Variants in PPP1R1C observed in about 807,000 individuals in gnomAD.
PPP1R1C encodes protein phosphatase 1 regulatory inhibitor subunit 1C, also known as protein phosphatase 1 regulatory subunit 1C.
Under a neutral mutation model 17.4 loss-of-function variants are expected in PPP1R1C, and 15 were observed. The observed-to-expected ratio is 0.86, with a 90% CI of 0.58 to 1.33. The LOEUF (loss-of-function observed/expected upper bound fraction) is 1.33. PPP1R1C is among the 40% of genes most tolerant of loss of function. The pLI is 0.00. For missense variants in PPP1R1C, 143 were observed against 130.0 expected (o/e 1.10, Z -0.48); for synonymous variants, 35 against 43.1 (o/e 0.81, Z 0.73).
intron 4 of PPP1R1C, among the ~76,000 whole-genome samples, chr2:182,065,558 A>C (rs1437664454): frequency 6.6e-6 from 1 of 152,096 alleles, no homozygotes; most frequent in Non-Finnish European, 1.5e-5. Context: ...GCAGTTATTG[A>C]GTGTAAAAAC....
At chr2:182,057,787 TTACA>T (rs1687730700) in intron 2 of PPP1R1C, among the ~76,000 whole-genome samples, 1 of 152,162 alleles carries the variant, frequency 6.6e-6, no homozygotes, top group South Asian at 2.1e-4. Context: ...TTGTTTTTAG[TTACA>T]TTGTCTACTT....
chr2:182,026,013 A>C (rs1260663121), intron 2 of PPP1R1C, among the ~76,000 whole-genome samples: 1 of 133,268 alleles, frequency 7.5e-6, no homozygotes, highest in Non-Finnish European at 1.6e-5. Context: ...TCTTCTTTTG[A>C]GAAGTGTCTG....
chr2:181,979,534 A>T (rs1381518680), intron 2 of PPP1R1C, among the ~76,000 whole-genome samples: 2 of 152,198 alleles, frequency 1.3e-5, no homozygotes, highest in Non-Finnish European at 2.9e-5. Flanking sequence ...TCTTATGTGA[A>T]TCTCTTTAGT....
chr2:182,067,012 T>A (rs1489607460), intron 4 of PPP1R1C, among the ~76,000 whole-genome samples: 1 of 151,536 alleles, frequency 6.6e-6, no homozygotes, highest in Non-Finnish European at 1.5e-5. Flanking sequence ...GGAATGCAAA[T>A]GCCTTCTACT....
intron 4 of PPP1R1C, among the ~76,000 whole-genome samples, chr2:182,076,005 T>C (rs1688286569): frequency 6.6e-6 from 1 of 151,922 alleles, no homozygotes; most frequent in Non-Finnish European, 1.5e-5. Flanking sequence ...TAAATGCTTT[T>C]TTTAGTATAT....
Position 181,961,827 on chromosome 2 carries a change from T to A in PPP1R1C, n.111+7193T>A. On this transcript the variant is annotated intron_variant and non_coding_transcript_variant, in intron 1 of 5. Transcript: ENST00000464264. The surrounding 1 kb of genome is among the most constrained non-coding windows in gnomAD (Gnocchi z 5.8). The stretch of plus-strand genomic sequence containing the variant: ...GGGCTTGTAGGCCTTTTACTTCCTC[T>A]TCGTGGTTCTTCTTCATGAAGAGCA... 3.8e-6 allele frequency: 4 copies of A among 1,042,952 alleles called. No individual in the cohort carries two copies. The highest frequency in any genetic ancestry group is 6.0e-6 in the Non-Finnish European group (4 of 670,776). The allele number at this position is 1,042,952 out of a possible 1,614,324, so 64.6% of individuals were successfully genotyped here.
intron 4 of PPP1R1C, among the ~76,000 whole-genome samples, chr2:182,068,712 C>A (rs947747680): frequency 6.6e-5 from 10 of 152,104 alleles, no homozygotes; most frequent in African/African-American, 2.4e-4. Flanking sequence ...AATTAATAAG[C>A]CTTGCAGTTC....
rs1684828063 is a variant in PPP1R1C at position 181,962,844 on chromosome 2, CAG to C, written n.111+8211_111+8212del. Among the ~76,000 whole-genome samples, 1 of 152,078 alleles carries C rather than the reference CAG, an allele frequency of 6.6e-6. No individual in the cohort carries two copies. Among genetic ancestry groups the C allele is most frequent in the African/African-American group, 2.4e-5 (1 of 41,386 alleles). On this transcript the variant is annotated intron_variant and non_coding_transcript_variant, in intron 1 of 5. Transcript: ENST00000464264. This position sits in a 1 kb window ranked among gnomAD's most constrained non-coding sequence, Gnocchi z 6.0. ...AGGGACCTTCACATCCACATGAAGA[CAG>C]GGGAAGGAAGGAGAATCACTGATTC...
chr2:182,054,111 G>A (rs1054702660), intron 2 of PPP1R1C, among the ~76,000 whole-genome samples: 6 of 151,942 alleles, frequency 3.9e-5, no homozygotes, highest in Non-Finnish European at 5.9e-5. Context: ...TAACATTTTT[G>A]ATGTATTAAT....
At chr2:182,013,305 G>A (rs1686147633) in intron 2 of PPP1R1C, among the ~76,000 whole-genome samples, 1 of 151,930 alleles carries the variant, frequency 6.6e-6, no homozygotes, top group South Asian at 2.1e-4. Flanking sequence ...TACTATTCTA[G>A]GGTAAAAGTT....
chr2:182,127,169 A>G (rs187900574), intron 5 of PPP1R1C, among the ~76,000 whole-genome samples: 4 of 152,146 alleles, frequency 2.6e-5, no homozygotes, highest in Non-Finnish European at 4.4e-5. Context: ...GTCCAGCTGA[A>G]CTTTGGTGAC....
chr2:182,018,627 CA>C (rs1686327844), intron 2 of PPP1R1C, among the ~76,000 whole-genome samples: 1 of 152,060 alleles, frequency 6.6e-6, no homozygotes, highest in Non-Finnish European at 1.5e-5. Flanking sequence ...ATTTCTCTTG[CA>C]AAATAAAAAT....
intron 2 of PPP1R1C, among the ~76,000 whole-genome samples, chr2:182,003,687 A>ATGTGTG (rs113337793): frequency 0.057 from 8,567 of 149,542 alleles, 454 homozygotes; most frequent in Admixed American, 0.19. Flanking sequence ...TTTTTGCTGG[A>ATGTGTG]TGTGTGTGTG....
At chr2:182,063,522 T>C (rs1454496629) in intron 3 of PPP1R1C, among the ~76,000 whole-genome samples, 2 of 152,058 alleles carry the variant, frequency 1.3e-5, no homozygotes, top group African/African-American at 2.4e-5. Flanking sequence ...ATTTTATGAT[T>C]AAGTAGACCC....
chr2:182,046,091 CATTT>C (rs1687335444), intron 2 of PPP1R1C, among the ~76,000 whole-genome samples: 1 of 120,268 alleles, frequency 8.3e-6, no homozygotes, highest in Admixed American at 8.4e-5. Context: ...TCCCCTCCTA[CATTT>C]CCTTCCTTCC....
intron 2 of PPP1R1C, among the ~76,000 whole-genome samples, chr2:182,017,978 A>G (rs1042954153): frequency 1.3e-5 from 2 of 152,164 alleles, no homozygotes; most frequent in Admixed American, 1.3e-4. Flanking sequence ...ATAAAAGAAC[A>G]TGGTTATAAT....
intron 1 of PPP1R1C, among the ~76,000 whole-genome samples, chr2:181,974,202 A>G (rs1371954187): frequency 6.6e-6 from 1 of 152,124 alleles, no homozygotes; most frequent in East Asian, 1.9e-4. Flanking sequence ...TAAATCATGT[A>G]TTTGCTGTTT....
chr2:181,986,921 C>G (rs984271432), intron 1 of PPP1R1C, among the ~76,000 whole-genome samples: 10 of 152,288 alleles, frequency 6.6e-5, no homozygotes, highest in South Asian at 2.1e-4. Context: ...CTAATCCATT[C>G]ATTTCTTAAA....
intron 4 of PPP1R1C, among the ~76,000 whole-genome samples, chr2:182,108,987 C>G (rs944694239): frequency 6.6e-6 from 1 of 152,194 alleles, no homozygotes; most frequent in Non-Finnish European, 1.5e-5. Flanking sequence ...TGCTCCCTGT[C>G]TTCGCTAGCA....
Sources: gnomAD v4.1 joint callset for allele counts (sites outside exome capture counted in the v4.1 genomes callset) on GRCh38, gnomAD v4.1.1 for gene constraint, Gnocchi (gnomAD v3.1) non-coding constraint, MANE v1.5 for transcripts, NCBI Gene and HGNC (gene_info 2026-07-23, HGNC 2026-07-21) for gene names.